The following POM121 variants were observed in gnomAD, a reference collection of about 807,000 sequenced individuals.
POM121 encodes the protein nuclear envelope pore membrane protein POM 121.
POM121 carries 32 observed loss-of-function variants against 81.3 expected under a neutral mutation model. The observed-to-expected ratio is 0.39, with a 90% CI of 0.30 to 0.53. The LOEUF (loss-of-function observed/expected upper bound fraction) is 0.53, where lower values mean the gene tolerates loss of function less well. Among genes scored for constraint, POM121 ranks in the 20% least tolerant of loss-of-function variants. The probability of loss-of-function intolerance (pLI) is 0.66; values close to 1 mark genes in which losing one functional copy is unlikely to be tolerated. For missense variants in POM121, 1,138 were observed against 1,614.6 expected, an observed-to-expected ratio of 0.70 and a Z score of 5.06; for synonymous variants, 514 against 694.2, an observed-to-expected ratio of 0.74 and a Z score of 4.08.
intron 6 of POM121, 100 bp from the exon 7 acceptor site, chr7:72,939,236 T>A: frequency 6.7e-7 from 1 of 1,482,432 alleles, no homozygotes. Flanking sequence ...GATGGTTGTT[T>A]TAGACATTGG....
At chr7:72,902,412 A>T (rs1220995934) in intron 3 of POM121, among the ~76,000 whole-genome samples, 1 of 150,364 alleles carries the variant, frequency 6.7e-6, no homozygotes, top group Non-Finnish European at 1.5e-5. Context: ...ATAGGCACCC[A>T]CCACCATGCC....
rs567918173 is a variant in POM121, at chr7:72,948,292, C to G, written c.*2058C>G. 99 of 1,541,850 alleles carry G rather than the reference C, an allele frequency of 6.4e-5. No individual in the cohort carries two copies. The South Asian group carries it at 9.9e-4, about 15-fold the overall frequency. ...GACATTAAGAATAAAAAACTGTGAT[C>G]TATCGTAGAGTACGTTCTGCATTTT... On this transcript the variant is annotated 3_prime_UTR_variant, in exon 13 of 13. Coordinates refer to ENST00000434423, the MANE Select transcript of POM121 (RefSeq NM_001387691.1).
intron 4 of POM121, among the ~76,000 whole-genome samples, chr7:72,917,819 G>A (rs1241797047): frequency 1.3e-5 from 2 of 152,148 alleles, no homozygotes; most frequent in Admixed American, 6.5e-5. Flanking sequence ...CGCAGAGACC[G>A]GTAGTGGCCC....
At chr7:72,888,705 TAC>T (rs1417481882) in intron 1 of POM121, among the ~76,000 whole-genome samples, 2 of 151,598 alleles carry the variant, frequency 1.3e-5, no homozygotes, top group Non-Finnish European at 2.9e-5. Flanking sequence ...TGTGTGTGTA[TAC>T]ACACAAACTG....
In POM121 at chr7:72,917,971, C is replaced by CAG. The variant is rs371285842; in HGVS notation, c.-152+4158_-152+4159dup. Reference sequence around the variant, plus strand: ...GCCCTTCCCTGCCTGGCAGCCGAGTCAGAGAGAGAGAGAGAGGAGACAAAG... The same window carrying CAG: ...GCCCTTCCCTGCCTGGCAGCCGAGTCAGAGAGAGAGAGAGAGAGGAGACAAAG... On this transcript the variant is annotated intron_variant, in intron 4 of 15. Coordinates refer to the POM121 transcript ENST00000395270. Among the ~76,000 whole-genome samples, 94 of 150,916 alleles carry CAG rather than the reference C, an allele frequency of 6.2e-4. 2 individuals are homozygous for CAG. In the South Asian group the frequency reaches 0.013, roughly 21 times the overall value.
intron 4 of POM121, among the ~76,000 whole-genome samples, chr7:72,915,792 C>T (rs1794242237): frequency 6.6e-6 from 1 of 152,338 alleles, no homozygotes; most frequent in South Asian, 2.1e-4. Flanking sequence ...CCTGCCTCAG[C>T]CTCCCAAGTA....
rs1554497221 is a variant in POM121, at chr7:72,925,717, C to T, written c.596C>T (p.Pro199Leu). 9 of 1,217,292 alleles carry T rather than the reference C, an allele frequency of 7.4e-6. No individual in the cohort carries two copies. The highest frequency in any genetic ancestry group is 9.3e-6 in the Non-Finnish European group (9 of 971,222). The allele number at this position is 1,217,292 out of a possible 1,614,324, so 75.4% of individuals were successfully genotyped here. Reference protein sequence around the residue: ...PPTHRAHHVYPSLPTPLLRPS... With the variant: ...PPTHRAHHVYLSLPTPLLRPS... ...ACCCATCGCGCTCACCACGTTTACC[C>T]CTCTCTGCCCACTCCTCTTCTCCGA... The change falls in exon 1 of 13, where the codon CCC becomes CTC. Residue 199 changes from proline to leucine, a missense_variant. Coordinates refer to ENST00000434423, the MANE Select transcript of POM121 (RefSeq NM_001387691.1).
intron 4 of POM121, among the ~76,000 whole-genome samples, chr7:72,919,656 AT>A (rs1408686712): frequency 2.0e-5 from 3 of 151,474 alleles, no homozygotes; most frequent in South Asian, 2.1e-4. Flanking sequence ...CTATTTTTGT[AT>A]TTTTTTTAGA....
exon 2 of POM121, chr7:72,890,696 G>A: frequency 1.2e-6 from 2 of 1,601,748 alleles, no homozygotes; most frequent in South Asian, 1.1e-5. Flanking sequence ...GGACCCTGAT[G>A]AGAAGATAAC....
chr7:72,923,498 C>G (rs1396590459), upstream of POM121, among the ~76,000 whole-genome samples: 2 of 151,988 alleles, frequency 1.3e-5, no homozygotes, highest in African/African-American at 4.8e-5. Context: ...TCTCGGCTCA[C>G]TGCAACCTCC....
chr7:72,925,456 A>G lies in POM121; in HGVS notation c.335A>G (p.Lys112Arg). ...ACACTGTTCGCTTCGCCTCTGGCCA[A>G]GTCGACAGCCAACGGAAACCTCCTA... ...RRTLFASPLA[K>R]STANGNLLEP... is the part of the protein sequence containing the mutation. The change falls in exon 1 of 13, where the codon AAG (lysine) becomes AGG (arginine). Residue 112 changes from lysine (K) to arginine (R), a missense_variant. Around this residue, in one of 7 missense-constraint regions of POM121, gnomAD observed 646 missense variants for 633.5 expected, o/e 1.02. Coordinates refer to ENST00000434423, the MANE Select transcript of POM121 (RefSeq NM_001387691.1). 1 of 1,533,768 alleles carries G rather than the reference A, an allele frequency of 6.5e-7. No individual in the cohort carries two copies. The highest frequency in any genetic ancestry group is 8.7e-7 in the Non-Finnish European group (1 of 1,146,568).
Position 72,925,677 on chromosome 7 carries a change from C to T in POM121, c.556C>T (p.Pro186Ser), listed in dbSNP as rs1563154982. ...PPRSPPPRSP[P>S]PSPPTHRAHH... ...GCGCTCCCCACCGCCGCGCTCCCCCCCGCCCTCCCCGCCGACCCATCGCGC... is the reference window on the plus strand; with the variant it reads ...GCGCTCCCCACCGCCGCGCTCCCCCTCGCCCTCCCCGCCGACCCATCGCGC... The change falls in exon 1 of 13, where the codon CCG becomes TCG. Residue 186 changes from proline to serine, a missense_variant. Pro to Ser is a moderately conservative substitution (Grantham distance 74). This residue lies in a region of POM121 where 646 missense variants were observed against 633.5 expected (regional missense o/e 1.02). Transcript: ENST00000434423. The T allele has an allele frequency of 4.1e-6, 5 of 1,222,370 alleles. No individual in the cohort carries two copies. Among genetic ancestry groups the T allele is most frequent in the South Asian group, 6.0e-5 (2 of 33,114 alleles). 75.7% of individuals were successfully genotyped at this position (1,222,370 alleles called of 1,614,324 possible). A position where few individuals can be genotyped will look rare whatever the true frequency, so the allele number is the denominator to read the frequency against.
intron 3 of POM121, among the ~76,000 whole-genome samples, chr7:72,910,722 G>A (rs1431443725): frequency 6.6e-6 from 1 of 151,956 alleles, no homozygotes; most frequent in African/African-American, 2.4e-5. Flanking sequence ...GGTGTGTGTA[G>A]TCAAAAGGGC....
At chr7:72,912,637 G>C (rs1170488998) in intron 3 of POM121, among the ~76,000 whole-genome samples, 1 of 152,166 alleles carries the variant, frequency 6.6e-6, no homozygotes, top group Non-Finnish European at 1.5e-5. Context: ...AAATTAGCCA[G>C]GCATGGTGGT....
chr7:72,934,116 G>A (rs1188203774), intron 5 of POM121, among the ~76,000 whole-genome samples: 4 of 150,538 alleles, frequency 2.7e-5, no homozygotes, highest in South Asian at 2.1e-4. Flanking sequence ...ACAGAGTCTC[G>A]CACTGTCGCC....
In POM121 at chr7:72,889,808, A is replaced by G. The variant is rs548959747; in HGVS notation, c.-520-819A>G. Reference sequence around the variant, plus strand: ...GCTAGGATTATAGGCATGAGCCACCATGCCCAGCCCCAACCTCTTAAAAAT... The same window carrying G: ...GCTAGGATTATAGGCATGAGCCACCGTGCCCAGCCCCAACCTCTTAAAAAT... On this transcript the variant is annotated intron_variant, in intron 1 of 15. Coordinates refer to the POM121 transcript ENST00000395270. Among the ~76,000 whole-genome samples the G allele has an allele frequency of 7.2e-5, 11 of 152,236 alleles. No individual in the cohort carries two copies. In the South Asian group the frequency reaches 2.3e-3, roughly 32 times the overall value.
At chr7:72,893,216 T>C (rs2906955) in intron 3 of POM121, among the ~76,000 whole-genome samples, 4 of 151,826 alleles carry the variant, frequency 2.6e-5, no homozygotes, top group Admixed American at 6.6e-5. Context: ...ACCTCAGCTT[T>C]CCAAAGTGCT....
intron 1 of POM121, among the ~76,000 whole-genome samples, chr7:72,889,769 C>T (rs1283916064): frequency 2.0e-5 from 3 of 152,182 alleles, no homozygotes; most frequent in South Asian, 2.1e-4. Flanking sequence ...CTTCCCATCT[C>T]GGCCTCCCAA....
At chr7:72,909,180 C>A (rs563170078) in intron 3 of POM121, among the ~76,000 whole-genome samples, 1 of 152,328 alleles carries the variant, frequency 6.6e-6, no homozygotes, top group African/African-American at 2.4e-5. Context: ...TCCCTCTGTT[C>A]GGGGTCCCTG....
Sources: allele counts gnomAD v4.1 joint callset (sites outside exome capture counted in the v4.1 genomes callset), GRCh38; gene constraint gnomAD v4.1.1; regional missense constraint gnomAD v4.1.1; transcripts MANE v1.5; gene names NCBI Gene and HGNC (gene_info 2026-07-23, HGNC 2026-07-21).